DZIP1L: variants seen among roughly 807,000 people sequenced by gnomAD.
The protein encoded by DZIP1L is cilium assembly protein DZIP1L.
A neutral mutation model predicts 88.7 loss-of-function variants in DZIP1L; 90 were observed. The ratio of observed to expected loss-of-function variants is 1.02; its 90% CI spans 0.86 to 1.21. DZIP1L has a LOEUF of 1.21. DZIP1L is among the 50% of genes most tolerant of loss of function. The pLI is 0.00. For missense variants in DZIP1L, 932 were observed against 955.8 expected, an observed-to-expected ratio of 0.98 and a Z score of 0.33; for synonymous variants, 363 against 372.1, an observed-to-expected ratio of 0.98 and a Z score of 0.28.
chr3:138,109,005 T>C (rs1388450495), intron 1 of DZIP1L, among the ~76,000 whole-genome samples: 3 of 152,142 alleles, frequency 2.0e-5, no homozygotes, highest in African/African-American at 7.2e-5. Flanking sequence ...ACATTAGGGA[T>C]TGTGGCAAAC....
intron 3 of DZIP1L, among the ~76,000 whole-genome samples, chr3:138,095,348 AC>A (rs1487552789): frequency 1.3e-5 from 2 of 152,264 alleles, no homozygotes; most frequent in African/African-American, 4.8e-5. Flanking sequence ...TAGTAACAGA[AC>A]AGAATATCAA....
chr3:138,069,073 A>T, intron 12 of DZIP1L: 1 of 1,086,620 alleles, frequency 9.2e-7, no homozygotes. Context: ...GGGGTTGAAC[A>T]GCCATGGGTC....
Position 138,063,118 on chromosome 3 carries a change from C to T in DZIP1L, c.2143-141G>A. On this transcript the variant is annotated intron_variant, in intron 15 of 15. Transcript: ENST00000327532. This position sits in a 1 kb window ranked among gnomAD's most constrained non-coding sequence, Gnocchi z 4.1. ...GGAAGAAAGCAATAGGGAGATGCTACTCCTCCTGACTTCTCAAGTCTTCCT... is the reference window on the plus strand; with the variant it reads ...GGAAGAAAGCAATAGGGAGATGCTATTCCTCCTGACTTCTCAAGTCTTCCT... The T allele has an allele frequency of 1.1e-6, 1 of 892,374 alleles. No individual in the cohort carries two copies. Among genetic ancestry groups the T allele is most frequent in the Non-Finnish European group, 1.7e-6 (1 of 596,696 alleles). The allele number at this position is 892,374 out of a possible 1,614,324, so 55.3% of individuals were successfully genotyped here. A position where few individuals can be genotyped will look rare whatever the true frequency, so the allele number is the denominator to read the frequency against.
intron 12 of DZIP1L, 149 bp downstream of exon 12, chr3:138,071,494 T>A: frequency 1.2e-6 from 1 of 842,568 alleles, no homozygotes; most frequent in East Asian, 2.7e-5. Flanking sequence ...CTGGACTCAG[T>A]CCCCTGTAAG....
chr3:138,080,954 G>A (rs1394436370), intron 9 of DZIP1L, among the ~76,000 whole-genome samples: 2 of 152,172 alleles, frequency 1.3e-5, no homozygotes, highest in Non-Finnish European at 2.9e-5. Context: ...TGTGGCACAT[G>A]TCTATTATCA....
chr3:138,094,835 T>C, intron 4 of DZIP1L, 27 bp downstream of exon 4: 16 of 1,613,928 alleles, frequency 9.9e-6, no homozygotes, highest in Non-Finnish European at 1.3e-5. Flanking sequence ...GACCCAAGTC[T>C]CCCTGATGTT....
chr3:138,100,317 C>A (rs1944675054), intron 2 of DZIP1L, among the ~76,000 whole-genome samples: 1 of 152,346 alleles, frequency 6.6e-6, no homozygotes, highest in East Asian at 1.9e-4. Context: ...AGATGTCACA[C>A]TCAGAAAGGG....
chr3:138,105,539 T>C lies in DZIP1L; in HGVS notation c.-81-1487A>G, dbSNP rs998975979. On this transcript the variant is annotated intron_variant, in intron 1 of 15. Transcript: ENST00000327532. ...CACACTCTAAATCATCTCTAGATTA[T>C]TTATAATACCTAATACAATGTAAAT... Among the ~76,000 whole-genome samples, 9 of 152,254 alleles carry C rather than the reference T, an allele frequency of 5.9e-5. No homozygotes were observed. The South Asian group carries it at 1.9e-3, about 32-fold the overall frequency.
chr3:138,080,982 C>T (rs1943619749), intron 9 of DZIP1L, among the ~76,000 whole-genome samples: 1 of 152,196 alleles, frequency 6.6e-6, no homozygotes, highest in Admixed American at 6.5e-5. Context: ...TGCTCTAGCT[C>T]CATCCCTCAA....
At chr3:138,099,293 T>C (rs1407608201) in intron 2 of DZIP1L, among the ~76,000 whole-genome samples, 1 of 152,196 alleles carries the variant, frequency 6.6e-6, no homozygotes, top group Admixed American at 6.5e-5. Context: ...ACTTACATTA[T>C]GAGATTTTTT....
In DZIP1L at chr3:138,113,730, C is replaced by T. The variant is rs374023320; in HGVS notation, c.-82+1598G>A. Among the ~76,000 whole-genome samples, 13 of 152,298 alleles carry T rather than the reference C, an allele frequency of 8.5e-5. No homozygotes were observed. The South Asian group carries it at 2.1e-3, about 24-fold the overall frequency. Reference sequence around the variant, plus strand: ...TGGTGTTCTCCTTTTCCACTCTTCCCTGACCCTCATGGGGGCTGCAGCGAC... The same window carrying T: ...TGGTGTTCTCCTTTTCCACTCTTCCTTGACCCTCATGGGGGCTGCAGCGAC... On this transcript the variant is annotated intron_variant, in intron 1 of 15. Transcript: ENST00000327532.
intron 10 of DZIP1L, among the ~76,000 whole-genome samples, chr3:138,078,652 C>A (rs953690077): frequency 6.6e-6 from 1 of 152,216 alleles, no homozygotes; most frequent in Non-Finnish European, 1.5e-5. Flanking sequence ...TCCAAATCTA[C>A]TGCATCAAAA....
At position 138,103,537 on chromosome 3, in the gene DZIP1L, C is replaced by T. The variant is rs2042388039; in HGVS notation, c.435G>A (p.Arg145=). The T allele has an allele frequency of 6.2e-7, 1 of 1,610,942 alleles. No individual in the cohort carries two copies. Among genetic ancestry groups the T allele is most frequent in the Non-Finnish European group, 8.5e-7 (1 of 1,179,780 alleles). ...GCAGGGTGCTGATCATCTTGCGACG[C>T]CGGCGGCTCTCCTCCCGCACACCCT... The part of the protein sequence containing the change: ...ELKGVREESR[R]RRKMISTLQQ... The change falls in exon 2 of 16, where the codon CGG becomes CGA. Residue 145 remains arginine, a synonymous_variant. Transcript: ENST00000327532.
intron 7 of DZIP1L, among the ~76,000 whole-genome samples, chr3:138,084,513 T>C (rs1943832619): frequency 6.6e-6 from 1 of 152,096 alleles, no homozygotes; most frequent in African/African-American, 2.4e-5. Context: ...GTCAGATAAA[T>C]TAAAACCATT....
intron 3 of DZIP1L, among the ~76,000 whole-genome samples, 159 bp from the exon 4 acceptor site, chr3:138,095,142 T>C (rs541364381): frequency 6.6e-5 from 10 of 152,294 alleles, no homozygotes; most frequent in Non-Finnish European, 1.3e-4. Context: ...GTCCCTCTGT[T>C]TCCCCAAACT....
chr3:138,081,860 T>C, intron 8 of DZIP1L, 96 bp from the exon 9 acceptor site: 2 of 1,307,834 alleles, frequency 1.5e-6, no homozygotes, highest in Non-Finnish European at 2.1e-6. Flanking sequence ...GAGGAAGGGA[T>C]GGCTACAGAT....
chr3:138,096,108 T>G (rs2107821016), intron 3 of DZIP1L, among the ~76,000 whole-genome samples: 1 of 152,288 alleles, frequency 6.6e-6, no homozygotes, highest in South Asian at 2.1e-4. Context: ...AACAAACAAT[T>G]TTTAGTTGCA....
intron 3 of DZIP1L, among the ~76,000 whole-genome samples, chr3:138,096,212 G>A (rs893720465): frequency 2.6e-4 from 40 of 152,262 alleles, no homozygotes; most frequent in African/African-American, 9.4e-4. Context: ...GAATAAAGAG[G>A]CCATGACCAT....
chr3:138,094,035 T>G (rs960665428), intron 4 of DZIP1L, among the ~76,000 whole-genome samples: 3 of 152,246 alleles, frequency 2.0e-5, no homozygotes, highest in Non-Finnish European at 4.4e-5. Context: ...GCTTTCGACA[T>G]GCCTTCATCA....
Sources: allele counts gnomAD v4.1 joint callset (sites outside exome capture counted in the v4.1 genomes callset), GRCh38; gene constraint gnomAD v4.1.1; non-coding constraint Gnocchi (gnomAD v3.1); transcripts MANE v1.5; gene names NCBI Gene and HGNC (gene_info 2026-07-23, HGNC 2026-07-21).